Variants in CPA6 observed in about 807,000 individuals in gnomAD.
CPA6 encodes the protein carboxypeptidase A6.
Under a neutral mutation model 63.3 loss-of-function variants are expected in CPA6, and 58 were observed. That is an observed-to-expected ratio of 0.92 (90% CI 0.74 to 1.14). CPA6 has a LOEUF of 1.14. CPA6 is among the 50% of genes most tolerant of loss of function. CPA6 has a pLI of 0.00. For missense variants in CPA6, 565 were observed against 526.6 expected, an observed-to-expected ratio of 1.07 and a Z score of -0.71; for synonymous variants, 185 against 179.0, an observed-to-expected ratio of 1.03 and a Z score of -0.27.
intron 2 of CPA6, among the ~76,000 whole-genome samples, chr8:67,563,866 A>AT (rs1813273445): frequency 1.3e-5 from 2 of 152,226 alleles, no homozygotes; most frequent in Middle Eastern, 3.4e-3. Context: ...TTATTTATCC[A>AT]CCTTCCCTCA....
At position 67,746,332 on chromosome 8, in the gene CPA6, G is replaced by A. The variant is rs1587747750; in HGVS notation, c.-203C>T. The stretch of plus-strand genomic sequence containing the variant: ...GCTGAGGAAGGGAAGTTGCTATTAC[G>A]ACTTGGTCTTGGGACAAGCAGCAGC... On this transcript the variant is annotated 5_prime_UTR_variant, in exon 1 of 11. Coordinates refer to ENST00000297770, the MANE Select transcript of CPA6 (RefSeq NM_020361.5). 4.2e-5 allele frequency: 19 copies of A among 452,882 alleles called. No homozygotes were observed. Among genetic ancestry groups the A allele is most frequent in the South Asian group, 3.4e-4 (9 of 26,464 alleles). The allele number at this position is 452,882 out of a possible 1,614,324, so 28.1% of individuals were successfully genotyped here.
At chr8:67,683,923 T>G (rs1427013531) in intron 1 of CPA6, among the ~76,000 whole-genome samples, 1 of 149,592 alleles carries the variant, frequency 6.7e-6, no homozygotes, top group Non-Finnish European at 1.5e-5. Flanking sequence ...CTTCTGGGCT[T>G]AAGCCATCCT....
chr8:67,711,969 A>T (rs1817272572), intron 1 of CPA6, among the ~76,000 whole-genome samples: 1 of 152,068 alleles, frequency 6.6e-6, no homozygotes, highest in Non-Finnish European at 1.5e-5. Flanking sequence ...CTGCACTGGG[A>T]CGGATCCCAG....
chr8:67,716,933 C>T (rs1032139934), intron 1 of CPA6, among the ~76,000 whole-genome samples: 5 of 152,150 alleles, frequency 3.3e-5, no homozygotes, highest in African/African-American at 9.7e-5. Context: ...TAGCAGCATA[C>T]CATTCCACAC....
At chr8:67,609,999 G>A (rs1814761286) in intron 2 of CPA6, among the ~76,000 whole-genome samples, 1 of 151,728 alleles carries the variant, frequency 6.6e-6, no homozygotes, top group Admixed American at 6.6e-5. Context: ...TCCAGCCTGG[G>A]TGACAGAGCG....
At chr8:67,632,705 G>A (rs1317667761) in intron 1 of CPA6, among the ~76,000 whole-genome samples, 2 of 152,146 alleles carry the variant, frequency 1.3e-5, no homozygotes, top group Non-Finnish European at 2.9e-5. Context: ...CTATTTTGAA[G>A]AATGTTAAAA....
intron 1 of CPA6, among the ~76,000 whole-genome samples, chr8:67,730,079 AT>A (rs1176770799): frequency 6.6e-6 from 1 of 152,214 alleles, no homozygotes; most frequent in Non-Finnish European, 1.5e-5. Context: ...ATGTCCTATA[AT>A]TCAATTCTGA....
intron 1 of CPA6, among the ~76,000 whole-genome samples, chr8:67,631,789 C>G (rs2128988229): frequency 6.6e-6 from 1 of 152,298 alleles, no homozygotes; most frequent in East Asian, 1.9e-4. Flanking sequence ...AGCTTCACTC[C>G]TGTGGCCAGC....
intron 1 of CPA6, among the ~76,000 whole-genome samples, chr8:67,716,064 G>C (rs1055781980): frequency 6.8e-6 from 1 of 146,992 alleles, no homozygotes; most frequent in Non-Finnish European, 1.5e-5. Context: ...TGAGGCAGGA[G>C]AATCACTTGA....
Position 67,430,129 on chromosome 8 carries a change from ATATG to A in CPA6, c.1042-2002_1042-1999del, listed in dbSNP as rs1176925770. ...GTTCAGCTAAGTAAATGGTATATAT[ATATG>A]TGTGTGTGTGTGTGTGTGTGTGTGT... On this transcript the variant is annotated intron_variant, in intron 9 of 10. Coordinates refer to ENST00000297770, the MANE Select transcript of CPA6 (RefSeq NM_020361.5). 6.6e-5 allele frequency among the ~76,000 whole-genome samples: 8 copies of A among 120,874 alleles called. No homozygotes were observed. In the East Asian group the frequency reaches 1.1e-3, roughly 17 times the overall value. 79.3% of individuals were successfully genotyped at this position (120,874 alleles called of 152,430 possible).
At chr8:67,467,241 G>A (rs542251836) in intron 8 of CPA6, among the ~76,000 whole-genome samples, 4 of 152,190 alleles carry the variant, frequency 2.6e-5, no homozygotes, top group South Asian at 2.1e-4. Flanking sequence ...CACTGTTGAC[G>A]TGTACCTGGG....
At chr8:67,489,726 T>C (rs1255097990) in intron 6 of CPA6, among the ~76,000 whole-genome samples, 2 of 152,194 alleles carry the variant, frequency 1.3e-5, no homozygotes, top group Non-Finnish European at 2.9e-5. Flanking sequence ...TTGTATTACC[T>C]ATATTCTTAC....
chr8:67,481,169 T>C (rs1811352891), intron 8 of CPA6, among the ~76,000 whole-genome samples: 1 of 152,240 alleles, frequency 6.6e-6, no homozygotes, highest in Non-Finnish European at 1.5e-5. Context: ...AAAGATTAAG[T>C]ATGGATATTA....
chr8:67,492,649 T>A (rs976097638), intron 6 of CPA6, among the ~76,000 whole-genome samples: 1 of 152,146 alleles, frequency 6.6e-6, no homozygotes, highest in Admixed American at 6.6e-5. Flanking sequence ...GAACAAACAA[T>A]TTCTCTCATT....
chr8:67,445,435 T>C (rs958191617), intron 8 of CPA6, among the ~76,000 whole-genome samples: 2 of 152,180 alleles, frequency 1.3e-5, no homozygotes, highest in Non-Finnish European at 2.9e-5. Flanking sequence ...ATCCCATCAG[T>C]AAGAAACTTT....
intron 8 of CPA6, 41 bp from the exon 9 acceptor site, chr8:67,434,281 G>A (rs1247131624): frequency 2.6e-6 from 4 of 1,519,650 alleles, no homozygotes; most frequent in Non-Finnish European, 3.6e-6. Flanking sequence ...AAGTGGGCAG[G>A]GAAGAAACAA....
intron 4 of CPA6, among the ~76,000 whole-genome samples, chr8:67,510,906 T>C (rs1319548189): frequency 1.3e-5 from 2 of 152,248 alleles, no homozygotes; most frequent in African/African-American, 4.8e-5. Context: ...ATCCTTGTGC[T>C]ATGGGGGCAT....
intron 1 of CPA6, among the ~76,000 whole-genome samples, chr8:67,682,687 G>C (rs566272883): frequency 3.3e-5 from 5 of 152,238 alleles, no homozygotes; most frequent in Admixed American, 2.0e-4. Flanking sequence ...CTTCTTTAAG[G>C]CTTGCTTAAA....
chr8:67,716,705 A>G (rs909966054), intron 1 of CPA6, among the ~76,000 whole-genome samples: 19 of 152,314 alleles, frequency 1.2e-4, no homozygotes, highest in African/African-American at 4.1e-4. Context: ...CTTTGTAGCT[A>G]TCTTATTTAG....
Sources: allele counts gnomAD v4.1 joint callset (sites outside exome capture counted in the v4.1 genomes callset), GRCh38; gene constraint gnomAD v4.1.1; transcripts MANE v1.5; gene names NCBI Gene and HGNC (gene_info 2026-07-23, HGNC 2026-07-21).